ACER2: variants seen among roughly 807,000 people sequenced by gnomAD.
ACER2 encodes the protein alkCDase 2.
Under a neutral mutation model 34.7 loss-of-function variants are expected in ACER2, and 26 were observed. That is an observed-to-expected ratio of 0.75 (90% CI 0.55 to 1.04). The LOEUF is 1.04. ACER2 is among the 50% of genes least tolerant of loss of function. ACER2 has a pLI of 0.00. For synonymous variants in ACER2, 138 were observed against 132.1 expected (o/e 1.04, Z -0.31); for missense variants, 352 against 340.8 (o/e 1.03, Z -0.26).
rs1830914979 is a variant in ACER2, at chr9:19,435,055, C to T, written c.474C>T (p.Cys158=). 2 of 1,614,138 alleles carry T rather than the reference C, an allele frequency of 1.2e-6. No individual in the cohort carries two copies. The highest frequency in any genetic ancestry group is 2.2e-5 in the South Asian group (2 of 91,084). The change falls in exon 4 of 6, where the codon TGC becomes TGT. Residue 158 remains cysteine (C), a synonymous_variant. Coordinates refer to ENST00000340967, the MANE Select transcript of ACER2 (RefSeq NM_001010887.3). The stretch of plus-strand genomic sequence containing the variant: ...CTCTGATGACCCTGGGAGTTCCTTG[C>T]ACTGCACTGCTCATCGCAGAGCTAA... ...NISLMTLGVP[C]TALLIAELKR...
chr9:19,411,257 A>T (rs912964125), intron 1 of ACER2, among the ~76,000 whole-genome samples: 1 of 152,232 alleles, frequency 6.6e-6, no homozygotes, highest in African/African-American at 2.4e-5. Context: ...TCCTTGGAAT[A>T]CTCATAAACC....
rs1831335238 is a variant in ACER2 at position 19,445,803 on chromosome 9, A to T, written c.504-478A>T. 2.0e-5 allele frequency among the ~76,000 whole-genome samples: 3 copies of T among 152,158 alleles called. 1 individual carries two copies. The South Asian group carries it at 6.2e-4, about 32-fold the overall frequency. ...TTGGCTTTCCCTCTGGTTAAACAGGAAGATGCTGGAGGCTGTTAAATTGGC... is the reference window on the plus strand; with the variant it reads ...TTGGCTTTCCCTCTGGTTAAACAGGTAGATGCTGGAGGCTGTTAAATTGGC... On this transcript the variant is annotated intron_variant, in intron 4 of 5. Coordinates refer to ENST00000340967, the MANE Select transcript of ACER2 (RefSeq NM_001010887.3).
Position 19,424,598 on chromosome 9 carries a change from G to A in ACER2, c.224-102G>A. 4 of 1,529,820 alleles carry A rather than the reference G, an allele frequency of 2.6e-6. No individual in the cohort carries two copies. The South Asian group carries it at 4.0e-5, about 15-fold the overall frequency. 94.8% of individuals were successfully genotyped at this position (1,529,820 alleles called of 1,614,324 possible). A position where few individuals can be genotyped will look rare whatever the true frequency, so the allele number is the denominator to read the frequency against. On this transcript the variant is annotated intron_variant, in intron 2 of 5. Coordinates refer to ENST00000340967, the MANE Select transcript of ACER2 (RefSeq NM_001010887.3). The stretch of plus-strand genomic sequence containing the variant: ...CTTTTTTCAGAGAGAGAGTGATCTG[G>A]TGACTGTGTTAACCATTGGTGAAAG...
At chr9:19,415,938 A>G (rs1226055586) in intron 1 of ACER2, among the ~76,000 whole-genome samples, 1 of 152,140 alleles carries the variant, frequency 6.6e-6, no homozygotes, top group Non-Finnish European at 1.5e-5. Context: ...TGAAGGAGAA[A>G]AGGAAGCTGC....
chr9:19,445,682 G>A (rs1458414798), intron 4 of ACER2, among the ~76,000 whole-genome samples: 1 of 152,232 alleles, frequency 6.6e-6, no homozygotes, highest in Non-Finnish European at 1.5e-5. Context: ...GCAGTGGCTT[G>A]AGTATGGGCA....
chr9:19,445,609 C>T (rs555729947), intron 4 of ACER2, among the ~76,000 whole-genome samples: 1 of 152,290 alleles, frequency 6.6e-6, no homozygotes, highest in Admixed American at 6.5e-5. Context: ...GGCAAGAGGG[C>T]ACAGTGAGTG....
chr9:19,446,180 G>T, intron 4 of ACER2, 101 bp from the exon 5 acceptor site: 1 of 1,539,488 alleles, frequency 6.5e-7, no homozygotes, highest in Non-Finnish European at 9.0e-7. Context: ...TCTTGGGGTT[G>T]TAGGCATGAG....
intron 5 of ACER2, chr9:19,446,707 G>A (rs1175577401): frequency 3.4e-6 from 3 of 893,712 alleles, no homozygotes; most frequent in Non-Finnish European, 4.0e-6. Context: ...CTTGAGAACT[G>A]AACCTGTAAC....
chr9:19,415,590 A>G (rs1314568768), intron 1 of ACER2, among the ~76,000 whole-genome samples: 2 of 152,222 alleles, frequency 1.3e-5, no homozygotes, highest in Non-Finnish European at 2.9e-5. Flanking sequence ...TAGGTGTGAT[A>G]AATGACTTCA....
intron 1 of ACER2, among the ~76,000 whole-genome samples, chr9:19,415,759 C>A (rs1043075042): frequency 5.3e-5 from 8 of 152,074 alleles, no homozygotes; most frequent in Admixed American, 3.3e-4. Context: ...CACTAAAGAT[C>A]TTCTGGGGTA....
chr9:19,448,004 CTT>C (rs557934540), intron 5 of ACER2, among the ~76,000 whole-genome samples: 4 of 109,876 alleles, frequency 3.6e-5, no homozygotes, highest in Admixed American at 2.3e-4. Flanking sequence ...ACGATGCAAA[CTT>C]TTTTTTTTTT....
At position 19,451,671 on chromosome 9, in the gene ACER2, C is replaced by T. The variant is rs1427326600; in HGVS notation, c.*1035C>T. The T allele has an allele frequency of 2.0e-5, 3 of 152,342 alleles. No homozygotes were observed. Among genetic ancestry groups the T allele is most frequent in the African/African-American group, 7.2e-5 (3 of 41,552 alleles). 9.4% of individuals were successfully genotyped at this position (152,342 alleles called of 1,614,324 possible). On this transcript the variant is annotated 3_prime_UTR_variant, in exon 6 of 6. Coordinates refer to ENST00000340967, the MANE Select transcript of ACER2 (RefSeq NM_001010887.3). Reference sequence around the variant, plus strand: ...CAGAGAAGAAGAATTATGGCATGAACATTCCCACAGACCCACCATCTTTAA... The same window carrying T: ...CAGAGAAGAAGAATTATGGCATGAATATTCCCACAGACCCACCATCTTTAA...
chr9:19,446,355 T>C lies in ACER2; in HGVS notation c.578T>C (p.Ile193Thr). 6.2e-7 allele frequency: 1 copy of C among 1,614,140 alleles called. No individual in the cohort carries two copies. The highest frequency in any genetic ancestry group is 8.5e-7 in the Non-Finnish European group (1 of 1,180,042). The stretch of plus-strand genomic sequence containing the variant: ...TGGACCCTGGCCCTGTTCTGCTGGA[T>C]CAGTGACCGAGCTTTCTGCGAGCTG... ...LWWTLALFCW[I>T]SDRAFCELLS... The change falls in exon 5 of 6, where the codon ATC becomes ACC. Residue 193 changes from isoleucine to threonine, a missense_variant. Ile to Thr is a moderately conservative substitution (Grantham distance 89, BLOSUM62 -1). Transcript: ENST00000340967.
intron 3 of ACER2, among the ~76,000 whole-genome samples, chr9:19,426,229 A>T (rs116119251): frequency 0.14 from 13,520 of 96,252 alleles, 2,002 homozygotes; most frequent in African/African-American, 0.48. Context: ...CTTTTTTTTT[A>T]AAAAAAAAAA....
intron 1 of ACER2, among the ~76,000 whole-genome samples, chr9:19,413,336 C>T (rs540141144): frequency 5.9e-5 from 9 of 152,290 alleles, no homozygotes; most frequent in African/African-American, 1.7e-4. Context: ...CGGTGGCTCA[C>T]GCCTGTAATC....
At chr9:19,430,471 C>T (rs544530963) in intron 3 of ACER2, among the ~76,000 whole-genome samples, 16 of 152,286 alleles carry the variant, frequency 1.1e-4, no homozygotes, top group Admixed American at 3.3e-4. Flanking sequence ...ATATTTCTAG[C>T]TCTCTTGTAC....
intron 3 of ACER2, among the ~76,000 whole-genome samples, chr9:19,427,068 G>A (rs1830594491): frequency 6.6e-6 from 1 of 152,148 alleles, no homozygotes; most frequent in Non-Finnish European, 1.5e-5. Context: ...AGCAATCTGG[G>A]TTTGAATCCT....
intron 3 of ACER2, among the ~76,000 whole-genome samples, chr9:19,432,540 C>CTATA (rs151316778): frequency 8.7e-5 from 13 of 149,616 alleles, no homozygotes; most frequent in Middle Eastern, 3.5e-3. Flanking sequence ...CCTGCAAAAC[C>CTATA]TATATATATA....
chr9:19,435,140 G>A, intron 4 of ACER2, 56 bp downstream of exon 4: 1 of 1,590,036 alleles, frequency 6.3e-7, no homozygotes, highest in Non-Finnish European at 8.6e-7. Flanking sequence ...GAACACACCA[G>A]TTCGGGGCTT....
Sources: gnomAD v4.1 joint callset for allele counts (sites outside exome capture counted in the v4.1 genomes callset) on GRCh38, gnomAD v4.1.1 for gene constraint, MANE v1.5 for transcripts, NCBI Gene and HGNC (gene_info 2026-07-23, HGNC 2026-07-21) for gene names.